FER: variants seen among roughly 807,000 people sequenced by gnomAD.
FER encodes tyrosine-protein kinase Fer.
Under a neutral mutation model 111.0 loss-of-function variants are expected in FER, and 63 were observed. The ratio of observed to expected loss-of-function variants is 0.57; its 90% CI spans 0.46 to 0.70. FER has a LOEUF of 0.70. Ranked by LOEUF, FER falls within the 30% of genes least tolerant of loss-of-function variation. FER has a pLI of 0.00. For synonymous variants in FER, 327 were observed against 313.9 expected (o/e 1.04, Z -0.44); for missense variants, 914 against 954.0 (o/e 0.96, Z 0.55).
At chr5:108,802,051 G>A (rs545111010) in intron 3 of FER, among the ~76,000 whole-genome samples, 3 of 152,190 alleles carry the variant, frequency 2.0e-5, no homozygotes, top group East Asian at 3.9e-4. Context: ...TAAAACTTAC[G>A]AATTGTTTAT....
chr5:108,882,597 G>C (rs537400642), intron 8 of FER, among the ~76,000 whole-genome samples: 3 of 151,826 alleles, frequency 2.0e-5, no homozygotes, highest in Non-Finnish European at 4.4e-5. Context: ...TGCGCTGCAG[G>C]TATTTCTTCA....
At chr5:108,761,497 C>G (rs912428817) in intron 1 of FER, among the ~76,000 whole-genome samples, 1 of 151,562 alleles carries the variant, frequency 6.6e-6, no homozygotes, top group Non-Finnish European at 1.5e-5. Flanking sequence ...TTCTTGGTGC[C>G]CCAAAACAAT....
intron 17 of FER, among the ~76,000 whole-genome samples, chr5:109,105,146 G>C (rs1748738789): frequency 6.6e-6 from 1 of 151,976 alleles, no homozygotes; most frequent in Non-Finnish European, 1.5e-5. Flanking sequence ...TTCTAGAAGA[G>C]ATTGCCTTGT....
intron 16 of FER, among the ~76,000 whole-genome samples, chr5:109,098,977 A>G (rs193258429): frequency 4.6e-5 from 7 of 151,750 alleles, no homozygotes; most frequent in African/African-American, 1.7e-4. Context: ...AAAAGCCACT[A>G]AGTCTTCACC....
intron 5 of FER, among the ~76,000 whole-genome samples, chr5:108,851,367 A>G (rs1008914852): frequency 3.3e-5 from 5 of 152,178 alleles, no homozygotes; most frequent in Non-Finnish European, 7.3e-5. Flanking sequence ...TTTATTCACT[A>G]TCATGAGAAC....
chr5:109,052,232 G>A (rs777993310), intron 16 of FER: 15 of 1,605,160 alleles, frequency 9.3e-6, no homozygotes, highest in Middle Eastern at 1.7e-4. Context: ...ACCCAGAAGC[G>A]CACATGAGAG....
intron 10 of FER, among the ~76,000 whole-genome samples, chr5:108,924,944 A>G (rs1482405673): frequency 2.0e-5 from 3 of 152,080 alleles, no homozygotes; most frequent in Admixed American, 2.0e-4. Context: ...CTTTTGAACA[A>G]TGCTATCACT....
chr5:108,846,206 T>C (rs1401751870), intron 5 of FER, among the ~76,000 whole-genome samples: 1 of 152,196 alleles, frequency 6.6e-6, no homozygotes, highest in Non-Finnish European at 1.5e-5. Context: ...TGTGAAACCA[T>C]CTGGATCTGC....
chr5:108,800,203 C>G (rs1034063860), intron 3 of FER, among the ~76,000 whole-genome samples: 3 of 152,142 alleles, frequency 2.0e-5, no homozygotes, highest in African/African-American at 7.2e-5. Context: ...TACCACTTAT[C>G]TGCTTTTCAT....
At chr5:109,173,654 A>G (rs922454602) in intron 17 of FER, among the ~76,000 whole-genome samples, 1 of 152,272 alleles carries the variant, frequency 6.6e-6, no homozygotes, top group South Asian at 2.1e-4. Flanking sequence ...CTGTCAGAAC[A>G]TATCAGCCCT....
intron 17 of FER, among the ~76,000 whole-genome samples, chr5:109,141,341 A>G (rs1200307212): frequency 1.3e-5 from 2 of 152,234 alleles, no homozygotes; most frequent in Non-Finnish European, 2.9e-5. Flanking sequence ...ACTTGAAGAT[A>G]AAGGCAGCAT....
intron 17 of FER, among the ~76,000 whole-genome samples, chr5:109,155,734 GA>G (rs1755302117): frequency 6.6e-6 from 1 of 151,978 alleles, no homozygotes; most frequent in Non-Finnish European, 1.5e-5. Flanking sequence ...TGAAATGGAT[GA>G]TAAAATAGAT....
intron 9 of FER, chr5:108,894,660 A>G (rs912005311): frequency 6.7e-5 from 17 of 254,640 alleles, no homozygotes; most frequent in African/African-American, 3.2e-4. Flanking sequence ...TGGACCAGAA[A>G]GAGGACAGGG....
At chr5:109,031,259 C>T (rs377064633) in intron 13 of FER, among the ~76,000 whole-genome samples, 1 of 152,054 alleles carries the variant, frequency 6.6e-6, no homozygotes, top group East Asian at 1.9e-4. Context: ...ATTCTGTTCT[C>T]CCATTCCAGG....
At chr5:108,824,262 A>G (rs1759204555) in intron 3 of FER, among the ~76,000 whole-genome samples, 2 of 151,958 alleles carry the variant, frequency 1.3e-5, no homozygotes, top group Admixed American at 1.3e-4. Flanking sequence ...CATTCAGGGT[A>G]TTTTATGGCT....
intron 8 of FER, among the ~76,000 whole-genome samples, chr5:108,881,402 A>G (rs1446816642): frequency 6.6e-6 from 1 of 152,086 alleles, no homozygotes; most frequent in East Asian, 1.9e-4. Flanking sequence ...CATGAGACTT[A>G]CTCACTATTG....
At chr5:108,806,955 A>G (rs888356612) in intron 3 of FER, among the ~76,000 whole-genome samples, 4 of 152,244 alleles carry the variant, frequency 2.6e-5, no homozygotes, top group Non-Finnish European at 5.9e-5. Context: ...GGAGGGGTCC[A>G]GGGTGGAATG....
intron 2 of FER, among the ~76,000 whole-genome samples, chr5:108,769,831 G>A (rs1205401107): frequency 6.6e-6 from 1 of 152,154 alleles, no homozygotes; most frequent in Admixed American, 6.5e-5. Context: ...TTAGCAAAAG[G>A]CACTTAGCTA....
At chr5:108,800,071 G>C (rs995628668) in intron 3 of FER, among the ~76,000 whole-genome samples, 1 of 151,952 alleles carries the variant, frequency 6.6e-6, no homozygotes, top group Non-Finnish European at 1.5e-5. Flanking sequence ...TTGAACTCCT[G>C]ACCTCAAATG....
Sources: allele counts gnomAD v4.1 joint callset (sites outside exome capture counted in the v4.1 genomes callset), GRCh38; gene constraint gnomAD v4.1.1; transcripts MANE v1.5; gene names NCBI Gene and HGNC (gene_info 2026-07-23, HGNC 2026-07-21).